The following AP3B1 variants were observed in gnomAD, a reference collection of about 807,000 sequenced individuals.
The protein encoded by AP3B1 is adaptor related protein complex 3 subunit beta 1.
AP3B1 carries 61 observed loss-of-function variants against 132.5 expected under a neutral mutation model. The observed-to-expected ratio is 0.46, with a 90% CI of 0.37 to 0.57. The LOEUF (loss-of-function observed/expected upper bound fraction) is 0.57. Ranked by LOEUF, AP3B1 falls within the 20% of genes least tolerant of loss-of-function variation. The pLI is 0.00. For missense variants in AP3B1, 1,120 were observed against 1,289.4 expected (o/e 0.87, Z 2.01); for synonymous variants, 388 against 438.3 (o/e 0.89, Z 1.43).
chr5:78,258,294 G>A (rs1251357508), intron 2 of AP3B1, among the ~76,000 whole-genome samples: 1 of 152,032 alleles, frequency 6.6e-6, no homozygotes, highest in African/African-American at 2.4e-5. Flanking sequence ...AATATATCAG[G>A]AACTCAAACA....
chr5:78,219,527 G>A (rs1212415547), intron 6 of AP3B1, among the ~76,000 whole-genome samples: 2 of 151,948 alleles, frequency 1.3e-5, no homozygotes, highest in African/African-American at 4.8e-5. Flanking sequence ...ACAGTTGATT[G>A]GAGATGACAG....
chr5:78,120,376 C>T (rs1752115668), intron 17 of AP3B1, among the ~76,000 whole-genome samples: 2 of 152,142 alleles, frequency 1.3e-5, no homozygotes, highest in East Asian at 3.9e-4. Context: ...CTAAATGCTC[C>T]AATTAAAAGA....
chr5:78,210,307 G>GTACTT (rs1322829818), intron 7 of AP3B1, among the ~76,000 whole-genome samples: 1 of 152,056 alleles, frequency 6.6e-6, no homozygotes, highest in East Asian at 1.9e-4. Context: ...AGTTCATGAA[G>GTACTT]TACTTCCCTG....
intron 22 of AP3B1, among the ~76,000 whole-genome samples, chr5:78,050,844 T>TGAC: frequency 6.6e-6 from 1 of 152,148 alleles, no homozygotes; most frequent in Middle Eastern, 3.4e-3. Context: ...AGGTCATCTT[T>TGAC]ACTATGGCTC....
rs1190265324 is a variant in AP3B1 at position 78,141,326 on chromosome 5, T to G, written c.1474-7A>C. ...TTGCTCTAGCAACAGGAACCTAATATGAGAAGCAGATTACATAGTTAGAAG... is the reference window on the plus strand; with the variant it reads ...TTGCTCTAGCAACAGGAACCTAATAGGAGAAGCAGATTACATAGTTAGAAG... On this transcript the variant is annotated splice_region_variant and splice_polypyrimidine_tract_variant and intron_variant, in intron 14 of 26. Coordinates refer to ENST00000255194, the MANE Select transcript of AP3B1 (RefSeq NM_003664.5). 2 of 1,611,270 alleles carry G rather than the reference T, an allele frequency of 1.2e-6. No homozygotes were observed. The highest frequency in any genetic ancestry group is 3.3e-5 in the Admixed American group (2 of 59,968).
intron 15 of AP3B1, among the ~76,000 whole-genome samples, chr5:78,132,783 T>C (rs1182727238): frequency 6.6e-6 from 1 of 152,192 alleles, no homozygotes; most frequent in East Asian, 1.9e-4. Flanking sequence ...CTCATGATGG[T>C]TGGTAAATGT....
intron 16 of AP3B1, 97 bp from the exon 17 acceptor site, chr5:78,128,257 C>G: frequency 1.8e-6 from 2 of 1,110,442 alleles, no homozygotes; most frequent in South Asian, 2.7e-5. Context: ...CATATTACCT[C>G]AAATGTCAAG....
intron 1 of AP3B1, among the ~76,000 whole-genome samples, chr5:78,273,508 T>A (rs1365296860): frequency 2.0e-5 from 3 of 152,112 alleles, no homozygotes; most frequent in African/African-American, 7.2e-5. Context: ...ACAGTCTTAA[T>A]AACTTGAGGA....
intron 1 of AP3B1, among the ~76,000 whole-genome samples, chr5:78,269,046 T>C (rs1250145407): frequency 1.3e-5 from 2 of 152,210 alleles, no homozygotes; most frequent in East Asian, 1.9e-4. Flanking sequence ...CATTAACTTT[T>C]ATTAAGTTCT....
intron 22 of AP3B1, among the ~76,000 whole-genome samples, chr5:78,067,329 T>C (rs1283556831): frequency 6.6e-6 from 1 of 152,208 alleles, no homozygotes; most frequent in African/African-American, 2.4e-5. Flanking sequence ...TGGGTGACTT[T>C]AATATCCCAC....
At chr5:78,119,153 C>CA in intron 17 of AP3B1, among the ~76,000 whole-genome samples, 1 of 152,272 alleles carries the variant, frequency 6.6e-6, no homozygotes, top group East Asian at 1.9e-4. Flanking sequence ...GGAAAACTAA[C>CA]AAACAGAAAG....
chr5:78,254,514 A>T (rs1411557400), intron 2 of AP3B1, among the ~76,000 whole-genome samples: 3 of 152,216 alleles, frequency 2.0e-5, no homozygotes, highest in Non-Finnish European at 4.4e-5. Flanking sequence ...TGGTGGCAGT[A>T]GACTTTTCAG....
chr5:78,269,253 A>G (rs1231388245), intron 1 of AP3B1, among the ~76,000 whole-genome samples: 1 of 152,184 alleles, frequency 6.6e-6, no homozygotes, highest in East Asian at 1.9e-4. Flanking sequence ...CTGTGTCTTC[A>G]TTTACCTAGT....
chr5:78,140,962 C>G (rs563018931), intron 15 of AP3B1, among the ~76,000 whole-genome samples, 181 bp downstream of exon 15: 1 of 152,272 alleles, frequency 6.6e-6, no homozygotes, highest in Non-Finnish European at 1.5e-5. Context: ...AATCTGTTTT[C>G]TCTCTTACTA....
At chr5:78,161,288 A>G (rs1288467147) in intron 13 of AP3B1, among the ~76,000 whole-genome samples, 1 of 152,008 alleles carries the variant, frequency 6.6e-6, no homozygotes, top group African/African-American at 2.4e-5. Context: ...AAAAAAAGTC[A>G]AAAAATAAAA....
intron 14 of AP3B1, among the ~76,000 whole-genome samples, chr5:78,150,963 G>C (rs934829474): frequency 2.6e-5 from 4 of 152,008 alleles, no homozygotes; most frequent in Non-Finnish European, 5.9e-5. Flanking sequence ...CTGTCACCCA[G>C]ACTGGAGTGC....
chr5:78,039,695 G>A (rs1338788184), intron 22 of AP3B1, among the ~76,000 whole-genome samples: 2 of 150,602 alleles, frequency 1.3e-5, no homozygotes, highest in South Asian at 2.1e-4. Flanking sequence ...GGAGAATGGC[G>A]TGAACCCAGG....
chr5:78,062,132 T>C (rs1029743883), intron 22 of AP3B1, among the ~76,000 whole-genome samples: 8 of 152,252 alleles, frequency 5.3e-5, no homozygotes, highest in Non-Finnish European at 1.2e-4. Context: ...TTTGAAGCTT[T>C]GTATTTTCCT....
chr5:78,167,632 T>C (rs34504804), intron 11 of AP3B1, among the ~76,000 whole-genome samples: 14,297 of 146,172 alleles, frequency 0.098, 991 homozygotes, highest in African/African-American at 0.19. Flanking sequence ...GTTATATATA[T>C]ACACACACAC....
Sources: gnomAD v4.1 joint callset for allele counts (sites outside exome capture counted in the v4.1 genomes callset) on GRCh38, gnomAD v4.1.1 for gene constraint, MANE v1.5 for transcripts, NCBI Gene and HGNC (gene_info 2026-07-23, HGNC 2026-07-21) for gene names.